Variants in SPINK5 observed in about 807,000 individuals in gnomAD.
SPINK5 encodes the protein serine peptidase inhibitor Kazal type 5.
A neutral mutation model predicts 151.8 loss-of-function variants in SPINK5; 125 were observed. The ratio of observed to expected loss-of-function variants is 0.82; its 90% confidence interval spans 0.71 to 0.96. SPINK5 has a LOEUF of 0.96. SPINK5 is among the 40% of genes least tolerant of loss of function. The pLI, the probability that SPINK5 is intolerant of heterozygous loss-of-function variation, is 0.00. For missense variants in SPINK5, 1,194 were observed against 1,291.9 expected, an observed-to-expected ratio of 0.92 and a Z score of 1.16; for synonymous variants, 374 against 395.3, an observed-to-expected ratio of 0.95 and a Z score of 0.64.
chr5:148,065,836 A>G (rs1752569892), intron 2 of SPINK5, among the ~76,000 whole-genome samples: 1 of 152,210 alleles, frequency 6.6e-6, no homozygotes, highest in Admixed American at 6.5e-5. Context: ...CTTAGATGTC[A>G]GACCCTGTTT....
chr5:148,102,076 T>C (rs536629821), intron 15 of SPINK5, among the ~76,000 whole-genome samples, 168 bp downstream of exon 15: 76 of 152,146 alleles, frequency 5.0e-4, no homozygotes, highest in African/African-American at 1.7e-3. Context: ...ATAAAACAAG[T>C]GGAGGGCTTT....
rs757424325 is a variant in SPINK5 at position 148,118,423 on chromosome 5, TTC to T, written c.2113-10_2113-9del. Reference sequence around the variant, plus strand: ...TAAGTAATCCAGGGGCTCTTCGTTCTTCTCTGTTTTCAGGACGAATGTGCTGA... The same window carrying T: ...TAAGTAATCCAGGGGCTCTTCGTTCTTCTGTTTTCAGGACGAATGTGCTGA... On this transcript the variant is annotated splice_polypyrimidine_tract_variant and intron_variant, in intron 22 of 32. Coordinates refer to ENST00000256084, the MANE Select transcript of SPINK5 (RefSeq NM_006846.4). The T allele has an allele frequency of 6.2e-7, 1 of 1,614,072 alleles. No homozygotes were observed.
chr5:148,111,846 CT>C lies in SPINK5; in HGVS notation c.1772del (p.Leu591GlnfsTer124), dbSNP rs759289667. ...CAGAGAGAATGATCCTATTGAGGGT[CT>C]AGATGGGAAAATCCACGGCAACACC... ...CTRENDPIEG[L>X]DGKIHGNTCS... On this transcript the variant is annotated frameshift_variant, in exon 19 of 33. Transcript: ENST00000256084. LOFTEE classifies it high-confidence loss of function. The C allele has an allele frequency of 1.1e-5, 17 of 1,613,974 alleles. No homozygotes were observed. The highest frequency in any genetic ancestry group is 1.2e-5 in the Non-Finnish European group (14 of 1,179,950).
rs1339348502 is a variant in SPINK5, at chr5:148,118,552, G to A, written c.2228G>A (p.Cys743Tyr). The A allele has an allele frequency of 3.1e-6, 5 of 1,614,140 alleles. No homozygotes were observed. The highest frequency in any genetic ancestry group is 1.7e-4 in the Middle Eastern group (1 of 6,060). The change falls in exon 23 of 33, where the codon TGT (cysteine) becomes TAT (tyrosine). Residue 743 changes from cysteine (C) to tyrosine (Y), a missense_variant. Physicochemically the swap from Cys to Tyr is radical, Grantham distance 194 (BLOSUM62 -2). Coordinates refer to ENST00000256084, the MANE Select transcript of SPINK5 (RefSeq NM_006846.4). Reference sequence around the variant, plus strand: ...TCGTACAACAATCAGTGTACCATGTGTAAAGCAAAATTGTAAGTATTTCTC... The same window carrying A: ...TCGTACAACAATCAGTGTACCATGTATAAAGCAAAATTGTAAGTATTTCTC... ...GKSYNNQCTM[C>Y]KAKLEREAER...
intron 18 of SPINK5, 128 bp downstream of exon 18, chr5:148,108,965 T>C (rs1046399928): frequency 1.3e-6 from 2 of 1,504,202 alleles, no homozygotes; most frequent in Admixed American, 3.6e-5. Context: ...TGTGTTTGGA[T>C]CCCCATATAC....
At chr5:148,102,379 G>A (rs915524252) in intron 15 of SPINK5, among the ~76,000 whole-genome samples, 3 of 152,022 alleles carry the variant, frequency 2.0e-5, no homozygotes, top group African/African-American at 7.2e-5. Context: ...AAAGTAAATC[G>A]TAAATGTCCT....
intron 4 of SPINK5, among the ~76,000 whole-genome samples, chr5:148,084,109 C>T (rs112612159): frequency 3.6e-4 from 55 of 151,896 alleles, no homozygotes; most frequent in African/African-American, 1.3e-3. Context: ...CTACCCATTC[C>T]AATATTTCTA....
rs1754384323 is a variant in SPINK5, at chr5:148,124,751, T to A, written c.2667-14T>A. The A allele has an allele frequency of 6.5e-7, 1 of 1,529,656 alleles. No individual in the cohort carries two copies. The highest frequency in any genetic ancestry group is 8.8e-7 in the Non-Finnish European group (1 of 1,138,942). The allele number at this position is 1,529,656 out of a possible 1,614,324, so 94.8% of individuals were successfully genotyped here. A position where few individuals can be genotyped will look rare whatever the true frequency, so the allele number is the denominator to read the frequency against. ...TGAAAAATTACCCTATCTTTTTTTT[T>A]AATTATTCTGCAGTGATCGAGAAGC... is the stretch of plus-strand genomic sequence containing the variant. On this transcript the variant is annotated splice_polypyrimidine_tract_variant and intron_variant, in intron 27 of 32. Coordinates refer to ENST00000256084, the MANE Select transcript of SPINK5 (RefSeq NM_006846.4).
intron 4 of SPINK5, 60 bp downstream of exon 4, chr5:148,072,280 C>A: frequency 1.3e-6 from 2 of 1,544,032 alleles, no homozygotes; most frequent in Non-Finnish European, 1.8e-6. Context: ...CTATTTAGAG[C>A]TATCTGTTTA....
chr5:148,087,413 T>C (rs1753189738), intron 5 of SPINK5, among the ~76,000 whole-genome samples: 1 of 151,782 alleles, frequency 6.6e-6, no homozygotes, highest in South Asian at 2.1e-4. Flanking sequence ...AATTATTCAC[T>C]TTTTGAGATC....
At chr5:148,101,558 T>C (rs1753645210) in intron 14 of SPINK5, 122 bp downstream of exon 14, 1 of 1,010,950 alleles carries the variant, frequency 9.9e-7, no homozygotes, top group East Asian at 2.5e-5. Flanking sequence ...TGTTTTCATA[T>C]GTGTTTTCAT....
intron 24 of SPINK5, 56 bp downstream of exon 24, chr5:148,119,114 C>T (rs997080824): frequency 2.1e-5 from 32 of 1,505,520 alleles, no homozygotes; most frequent in Middle Eastern, 1.7e-4. Flanking sequence ...CAGCAGTTGG[C>T]GATCAAAACT....
chr5:148,088,684 T>G lies in SPINK5; in HGVS notation c.474+79T>G, dbSNP rs191190941. 5.1e-6 allele frequency: 7 copies of G among 1,371,100 alleles called. No individual in the cohort carries two copies. In the African/African-American group the frequency reaches 7.1e-5, roughly 14 times the overall value. 84.9% of individuals were successfully genotyped at this position (1,371,100 alleles called of 1,614,324 possible). On this transcript the variant is annotated intron_variant, in intron 6 of 32. Transcript: ENST00000256084. ...TAAGTAGGTGCTCTCCTCTTCCTTCTTAGGTGGGAGCCTTGGAAGGAATTA... is the reference window on the plus strand; with the variant it reads ...TAAGTAGGTGCTCTCCTCTTCCTTCGTAGGTGGGAGCCTTGGAAGGAATTA...
At chr5:148,111,994 T>A (rs1753946628) in intron 19 of SPINK5, 99 bp downstream of exon 19, 1 of 1,562,122 alleles carries the variant, frequency 6.4e-7, no homozygotes, top group African/African-American at 1.4e-5. Context: ...AGGAGATAGA[T>A]AATAAAGGCT....
intron 4 of SPINK5, among the ~76,000 whole-genome samples, chr5:148,075,847 C>T (rs1269833748): frequency 1.3e-5 from 2 of 151,596 alleles, no homozygotes; most frequent in African/African-American, 2.4e-5. Context: ...AAAGGCATTG[C>T]CATTGTTGAA....
At chr5:148,087,045 ATTTG>A (rs769047938) in intron 5 of SPINK5, among the ~76,000 whole-genome samples, 11 of 151,440 alleles carry the variant, frequency 7.3e-5, no homozygotes, top group Non-Finnish European at 1.2e-4. Context: ...TCTATTATCT[ATTTG>A]TTTATCTATG....
intron 17 of SPINK5, among the ~76,000 whole-genome samples, chr5:148,107,908 G>A (rs751529806): frequency 1.3e-5 from 2 of 152,044 alleles, no homozygotes; most frequent in African/African-American, 4.8e-5. Flanking sequence ...AATAAATGCC[G>A]AGAAAAACGC....
intron 29 of SPINK5, among the ~76,000 whole-genome samples, chr5:148,126,428 C>A (rs930957616): frequency 1.3e-5 from 2 of 152,128 alleles, no homozygotes; most frequent in Non-Finnish European, 2.9e-5. Flanking sequence ...ATACTACTCC[C>A]ATTTTATGTT....
Position 148,112,904 on chromosome 5 carries a change from C to T in SPINK5, c.1857C>T (p.Pro619=). 6.2e-7 allele frequency: 1 copy of T among 1,613,794 alleles called. No homozygotes were observed. The highest frequency in any genetic ancestry group is 8.5e-7 in the Non-Finnish European group (1 of 1,179,878). ...CAAAAGAAAAAGAAAGAGCTGAACC[C>T]AGAGCAAAAGTCAAAAGAGAAGCTG... The part of the protein sequence containing the change: ...QEAKEKERAE[P]RAKVKREAEK... Residue 619 remains proline, a synonymous_variant, in exon 20 of 33, where the codon CCC becomes CCT. Transcript: ENST00000256084.
Sources: gnomAD v4.1 joint callset for allele counts (sites outside exome capture counted in the v4.1 genomes callset) on GRCh38, gnomAD v4.1.1 for gene constraint, MANE v1.5 for transcripts, NCBI Gene and HGNC (gene_info 2026-07-23, HGNC 2026-07-21) for gene names.